The following AP4E1 variants were observed in gnomAD, a reference collection of about 807,000 sequenced individuals.
AP4E1 encodes the protein AP-4 complex subunit epsilon-1.
AP4E1 carries 56 observed loss-of-function variants against 128.2 expected under a neutral mutation model. The observed-to-expected ratio is 0.44, with a 90% CI of 0.35 to 0.55. The LOEUF (loss-of-function observed/expected upper bound fraction) is 0.55. Among genes scored for constraint, AP4E1 ranks in the 20% least tolerant of loss-of-function variants. The pLI is 0.00. For synonymous variants in AP4E1, 484 were observed against 473.1 expected, an observed-to-expected ratio of 1.02 and a Z score of -0.30; for missense variants, 1,324 against 1,307.7, an observed-to-expected ratio of 1.01 and a Z score of -0.19.
chr15:50,919,626 T>A (rs933700707), intron 3 of AP4E1, among the ~76,000 whole-genome samples: 1 of 152,064 alleles, frequency 6.6e-6, no homozygotes, highest in African/African-American at 2.4e-5. Flanking sequence ...TATCATTTTA[T>A]AGTTATGGAT....
intron 16 of AP4E1, among the ~76,000 whole-genome samples, chr15:50,986,020 C>A (rs1442052448): frequency 6.6e-6 from 1 of 152,126 alleles, no homozygotes; most frequent in Non-Finnish European, 1.5e-5. Context: ...TTGAAGAGGT[C>A]CTTCACATTG....
intron 14 of AP4E1, among the ~76,000 whole-genome samples, chr15:50,959,672 A>G (rs2064283134): frequency 6.6e-6 from 1 of 152,254 alleles, no homozygotes; most frequent in Non-Finnish European, 1.5e-5. Context: ...AAAGGAATCA[A>G]ATATTATCAT....
chr15:50,915,299 A>T, intron 2 of AP4E1, 149 bp from the exon 3 acceptor site: 1 of 764,632 alleles, frequency 1.3e-6, no homozygotes, highest in Admixed American at 3.0e-5. Flanking sequence ...TTATTTATAA[A>T]GTCTGATATT....
Position 50,909,168 on chromosome 15 carries a change from A to G in AP4E1, c.150+240A>G, listed in dbSNP as rs1271710921. On this transcript the variant is annotated intron_variant, in intron 1 of 20. Coordinates refer to ENST00000261842, the MANE Select transcript of AP4E1 (RefSeq NM_007347.5). ...ACACTGACTCTTTGATCGGGGGCACATCTCTGTAACCTCTGAGCCTCCGTG... is the reference window on the plus strand; with the variant it reads ...ACACTGACTCTTTGATCGGGGGCACGTCTCTGTAACCTCTGAGCCTCCGTG... Among the ~76,000 whole-genome samples the G allele has an allele frequency of 3.3e-5, 5 of 152,244 alleles. No individual in the cohort carries two copies. In the East Asian group the frequency reaches 7.7e-4, roughly 23 times the overall value.
chr15:50,973,020 A>G (rs920029989), intron 15 of AP4E1, among the ~76,000 whole-genome samples: 11 of 152,244 alleles, frequency 7.2e-5, no homozygotes, highest in Non-Finnish European at 1.2e-4. Context: ...TACTTAAGAA[A>G]TGCAGCCTGT....
rs2064978105 is a variant in AP4E1, at chr15:51,002,593, C to A, written c.3345C>A (p.Phe1115Leu). Reference sequence around the variant, plus strand: ...ATGCAGATGTATTAGCCCTGTGGTTCAGATCCTCCTGTTCTACTCTTCCTG... The same window carrying A: ...ATGCAGATGTATTAGCCCTGTGGTTAAGATCCTCCTGTTCTACTCTTCCTG... ...RVHADVLALW[F>L]RSSCSTLPDY... The change falls in exon 21 of 21, where the codon TTC (phenylalanine) becomes TTA (leucine). Residue 1115 changes from phenylalanine (F) to leucine (L), a missense_variant. Coordinates refer to ENST00000261842, the MANE Select transcript of AP4E1 (RefSeq NM_007347.5). 1 of 1,614,058 alleles carries A rather than the reference C, an allele frequency of 6.2e-7. No individual in the cohort carries two copies. Among genetic ancestry groups the A allele is most frequent in the African/African-American group, 1.3e-5 (1 of 74,914 alleles).
At chr15:50,968,477 T>G (rs1596492081) in intron 15 of AP4E1, 100 bp downstream of exon 15, 1 of 933,412 alleles carries the variant, frequency 1.1e-6, no homozygotes, top group East Asian at 2.7e-5. Context: ...CTTTCTATTA[T>G]TTCTCTTTAA....
chr15:50,980,193 G>A (rs887849568), intron 15 of AP4E1, among the ~76,000 whole-genome samples: 2 of 152,178 alleles, frequency 1.3e-5, no homozygotes, highest in African/African-American at 4.8e-5. Flanking sequence ...TTCATTAAAT[G>A]TATGAGATCC....
At chr15:50,919,782 A>T (rs964216465) in intron 3 of AP4E1, among the ~76,000 whole-genome samples, 3 of 151,730 alleles carry the variant, frequency 2.0e-5, no homozygotes, top group African/African-American at 7.3e-5. Context: ...TTTTTTAAAG[A>T]TATAATTTAT....
chr15:50,945,568 G>A (rs963385107), intron 10 of AP4E1: 5 of 741,650 alleles, frequency 6.7e-6, no homozygotes, highest in Non-Finnish European at 1.2e-5. Context: ...TGCTAGTTTC[G>A]ATAAAGCTAT....
intron 11 of AP4E1, among the ~76,000 whole-genome samples, chr15:50,949,228 C>G (rs2064111095): frequency 6.6e-6 from 1 of 150,914 alleles, no homozygotes; most frequent in African/African-American, 2.4e-5. Context: ...CTGGGCAACA[C>G]AGTGAAACCC....
intron 11 of AP4E1, 97 bp downstream of exon 11, chr15:50,948,256 G>A: frequency 7.0e-7 from 1 of 1,424,104 alleles, no homozygotes; most frequent in East Asian, 2.4e-5. Flanking sequence ...GTCGAGTTCA[G>A]AGACCTAGCA....
intron 2 of AP4E1, among the ~76,000 whole-genome samples, chr15:50,914,694 T>C (rs898782945): frequency 6.6e-6 from 1 of 151,538 alleles, no homozygotes; most frequent in African/African-American, 2.4e-5. Flanking sequence ...TTAGTTATTT[T>C]GAAACACATT....
chr15:50,972,759 A>T (rs2064497985), intron 15 of AP4E1, among the ~76,000 whole-genome samples: 1 of 152,142 alleles, frequency 6.6e-6, no homozygotes, highest in Non-Finnish European at 1.5e-5. Flanking sequence ...CAGCCTGAGG[A>T]CATGTCTGCC....
chr15:50,993,819 G>A (rs748147072), intron 17 of AP4E1, among the ~76,000 whole-genome samples, 194 bp downstream of exon 17: 13 of 152,210 alleles, frequency 8.5e-5, no homozygotes, highest in Middle Eastern at 6.3e-3. Flanking sequence ...AGAAAATGCA[G>A]TTGGCTCAAC....
intron 14 of AP4E1, among the ~76,000 whole-genome samples, chr15:50,963,803 C>G (rs2064349956): frequency 6.6e-6 from 1 of 152,200 alleles, no homozygotes; most frequent in South Asian, 2.1e-4. Flanking sequence ...ATGCATGTAT[C>G]AAAGAATCGT....
chr15:50,966,514 A>G (rs1044457157), intron 14 of AP4E1, among the ~76,000 whole-genome samples: 8 of 150,212 alleles, frequency 5.3e-5, no homozygotes, highest in African/African-American at 2.0e-4. Flanking sequence ...ACATAGCCTC[A>G]GCCTCATCTC....
intron 6 of AP4E1, 65 bp downstream of exon 6, chr15:50,929,233 A>G (rs2063803126): frequency 6.6e-7 from 1 of 1,520,354 alleles, no homozygotes; most frequent in African/African-American, 1.4e-5. Flanking sequence ...ATGGAATTAA[A>G]AAGAAACAGA....
chr15:50,921,456 C>T (rs140747148), intron 3 of AP4E1, among the ~76,000 whole-genome samples: 195 of 151,818 alleles, frequency 1.3e-3, no homozygotes, highest in African/African-American at 4.6e-3. Flanking sequence ...TCAAACGATT[C>T]TTATGCCTCA....
Sources: gnomAD v4.1 joint callset for allele counts (sites outside exome capture counted in the v4.1 genomes callset) on GRCh38, gnomAD v4.1.1 for gene constraint, MANE v1.5 for transcripts, NCBI Gene and HGNC (gene_info 2026-07-23, HGNC 2026-07-21) for gene names.